NOA1: variants seen among roughly 807,000 people sequenced by gnomAD.
NOA1 encodes nitric oxide-associated protein 1.
In NOA1, 35 loss-of-function variants were observed where a neutral mutation model predicts 58.4. The ratio of observed to expected loss-of-function variants is 0.60; its 90% CI spans 0.46 to 0.79. The LOEUF is 0.79. NOA1 is among the 30% of genes least tolerant of loss of function. NOA1 has a pLI of 0.00. For synonymous variants in NOA1, 397 were observed against 373.4 expected (o/e 1.06, Z -0.73); for missense variants, 895 against 894.6 (o/e 1.00, Z -0.01).
Position 56,968,441 on chromosome 4 carries a change from C to A in NOA1, c.1590G>T (p.Val530=). 6.2e-7 allele frequency: 1 copy of A among 1,613,022 alleles called. No individual in the cohort carries two copies. Among genetic ancestry groups the A allele is most frequent in the Non-Finnish European group, 8.5e-7 (1 of 1,179,686 alleles). ...AAAACAGAACCATTCCTGGTTTAAG[C>A]ACAAAAGTTCTTGGAACAATGGACT... The part of the protein sequence containing the change: ...PTQSIVPRTF[V]LKPGMVLFLG... The change falls in exon 4 of 7, where the codon GTG becomes GTT. Residue 530 remains valine (V), a synonymous_variant. Transcript: ENST00000264230.
At chr4:56,973,455 T>A in intron 2 of NOA1, 102 bp from the exon 3 acceptor site, 2 of 994,758 alleles carry the variant, frequency 2.0e-6, no homozygotes, top group Non-Finnish European at 3.1e-6. Context: ...GATTACAGTG[T>A]AGGGAAGTGA....
At position 56,973,253 on chromosome 4, in the gene NOA1, A is replaced by G. The variant is rs77797239; in HGVS notation, c.1410T>C (p.Pro470=). 4,215 of 1,614,026 alleles carry G rather than the reference A, an allele frequency of 2.6e-3. 98 individuals are homozygous for G. The African/African-American group carries it at 0.051, about 19-fold the overall frequency. Residue 470 remains proline, a synonymous_variant, in exon 3 of 7, where the codon CCT becomes CCC. Coordinates refer to ENST00000264230, the MANE Select transcript of NOA1 (RefSeq NM_032313.4). ...TGGTGGATTTGTGTGTACCCATAAC[A>G]GGGTCATTTTCCATGTCAAAGGCAA... ...DSLAFDMEND[P]VMGTHKSTKQ...
intron 3 of NOA1, among the ~76,000 whole-genome samples, chr4:56,970,454 C>T (rs1721791896): frequency 6.6e-6 from 1 of 150,932 alleles, no homozygotes; most frequent in South Asian, 2.1e-4. Context: ...CAGGGGAAAC[C>T]TTGTCTCTCT....
At chr4:56,966,856 T>C (rs1721721038) in intron 4 of NOA1, 120 bp from the exon 5 acceptor site, 1 of 680,752 alleles carries the variant, frequency 1.5e-6, no homozygotes, top group East Asian at 2.5e-5. Context: ...ACTCCCTTTA[T>C]AAGTACTGGT....
intron 5 of NOA1, among the ~76,000 whole-genome samples, chr4:56,966,173 C>T (rs1156694509): frequency 3.3e-5 from 5 of 151,970 alleles, no homozygotes; most frequent in Admixed American, 6.6e-5. Context: ...ATTACAGGCA[C>T]CCATCACCAC....
intron 5 of NOA1, among the ~76,000 whole-genome samples, chr4:56,965,693 GGTGTGTGTGTGTGT>G (rs10548713): frequency 2.0e-5 from 3 of 149,062 alleles, no homozygotes; most frequent in Admixed American, 1.4e-4. Context: ...TCCAAAGTAT[GGTGTGTGTGTGTGT>G]GTGTGTGTGT....
At chr4:56,969,947 A>AT (rs11464956) in intron 3 of NOA1, among the ~76,000 whole-genome samples, 56,360 of 151,650 alleles carry the variant, frequency 0.37, 10,785 homozygotes, top group Admixed American at 0.45. Context: ...TGCTTGGCTA[A>AT]TTTTTTTGGT....
intron 6 of NOA1, 92 bp from the exon 7 acceptor site, chr4:56,963,753 G>A (rs1306174927): frequency 4.8e-6 from 4 of 827,890 alleles, no homozygotes; most frequent in South Asian, 4.7e-5. Context: ...ATCAGAGAAC[G>A]CTGTCACTCT....
chr4:56,977,497 G>T lies in NOA1; in HGVS notation c.89C>A (p.Pro30Gln). The change falls in exon 1 of 7, where the codon CCG becomes CAG. Residue 30 changes from proline (P) to glutamine (Q), a missense_variant. Around this residue, in one of 3 missense-constraint regions of NOA1, gnomAD observed 680 missense variants for 656.5 expected, o/e 1.04. Transcript: ENST00000264230. ...PTAARHGLRE[P>Q]LLERRCAAAS... ...GGCAGCGCACCTCCTCTCCAGGAGC[G>T]GCTCCCGGAGGCCATGGCGCGCTGC... 2 of 1,613,646 alleles carry T rather than the reference G, an allele frequency of 1.2e-6. No individual in the cohort carries two copies. Among genetic ancestry groups the T allele is most frequent in the Non-Finnish European group, 1.7e-6 (2 of 1,179,972 alleles).
At position 56,965,834 on chromosome 4, in the gene NOA1, C is replaced by CATTTTT. The variant is rs1203066922; in HGVS notation, c.1764+785_1764+786insAAAAAT. Among the ~76,000 whole-genome samples, 67 of 90,656 alleles carry CATTTTT rather than the reference C, an allele frequency of 7.4e-4. 1 individual carries two copies. In the South Asian group the frequency reaches 0.019, roughly 26 times the overall value. The allele number at this position is 90,656 out of a possible 152,430, so 59.5% of individuals were successfully genotyped here. A position where few individuals can be genotyped will look rare whatever the true frequency, so the allele number is the denominator to read the frequency against. The stretch of plus-strand genomic sequence containing the variant: ...CTAAGCAACCATATTTTAAATTTTC[C>CATTTTT]CTTTTTTTTTTTTTTTTTTAGAGAC... On this transcript the variant is annotated intron_variant, in intron 5 of 6. Coordinates refer to ENST00000264230, the MANE Select transcript of NOA1 (RefSeq NM_032313.4).
chr4:56,964,031 T>A (rs1184608998), intron 6 of NOA1, among the ~76,000 whole-genome samples: 2 of 151,944 alleles, frequency 1.3e-5, no homozygotes, highest in East Asian at 3.9e-4. Context: ...GGCACTTTTC[T>A]ATAAAAAAAA....
At position 56,963,605 on chromosome 4, in the gene NOA1, G is replaced by T. The variant is rs1238374519; in HGVS notation, c.1942C>A (p.Pro648Thr). 1.9e-6 allele frequency: 3 copies of T among 1,614,050 alleles called. No homozygotes were observed. The highest frequency in any genetic ancestry group is 1.3e-5 in the African/African-American group (1 of 74,992). Reference protein sequence around the residue: ...KDRLHLRGYTPEGTVLTVRPP... With the variant: ...KDRLHLRGYTTEGTVLTVRPP... ...CGGACGGTCAAAACTGTTCCTTCAG[G>T]TGTATAGCCTCGGAGATGCAGTCTG... The change falls in exon 7 of 7, where the codon CCT becomes ACT. Residue 648 changes from proline (P) to threonine (T), a missense_variant. This residue lies in a region of NOA1 where 212 missense variants were observed against 221.3 expected (regional missense o/e 0.96). Coordinates refer to ENST00000264230, the MANE Select transcript of NOA1 (RefSeq NM_032313.4).
intron 3 of NOA1, among the ~76,000 whole-genome samples, chr4:56,970,117 C>T (rs993596792): frequency 3.9e-5 from 6 of 151,926 alleles, no homozygotes; most frequent in East Asian, 3.9e-4. Context: ...CTGGGCAACA[C>T]GGCAAAACCT....
chr4:56,967,964 C>A (rs973556239), intron 4 of NOA1, among the ~76,000 whole-genome samples: 10 of 150,136 alleles, frequency 6.7e-5, no homozygotes, highest in African/African-American at 2.5e-4. Flanking sequence ...ATCACCCAGG[C>A]TGGAGTGCAG....
intron 3 of NOA1, among the ~76,000 whole-genome samples, chr4:56,972,178 G>A (rs1279757703): frequency 1.3e-5 from 2 of 152,178 alleles, no homozygotes; most frequent in African/African-American, 2.4e-5. Flanking sequence ...GAGCCACTGC[G>A]CCCGGTCGGA....
chr4:56,974,354 A>T (rs1210762471), intron 1 of NOA1, among the ~76,000 whole-genome samples: 1 of 152,196 alleles, frequency 6.6e-6, no homozygotes, highest in African/African-American at 2.4e-5. Context: ...AGTTTTGTCA[A>T]CTTAAATTTA....
At position 56,973,270 on chromosome 4, in the gene NOA1, C is replaced by A. The variant is rs1351083463; in HGVS notation, c.1393G>T (p.Asp465Tyr). 1 of 1,614,054 alleles carries A rather than the reference C, an allele frequency of 6.2e-7. No individual in the cohort carries two copies. The highest frequency in any genetic ancestry group is 1.3e-5 in the African/African-American group (1 of 75,032). ...FEFDADSLAF[D>Y]MENDPVMGTH... ...CCCATAACAGGGTCATTTTCCATGT[C>A]AAAGGCAAGTGAATCAGCATCAAAC... is the stretch of plus-strand genomic sequence containing the variant. Residue 465 changes from aspartate to tyrosine, a missense_variant, in exon 3 of 7, where the codon GAC becomes TAC. This residue lies in a region of NOA1 where 680 missense variants were observed against 656.5 expected (regional missense o/e 1.04). Transcript: ENST00000264230.
chr4:56,965,464 C>T (rs961119212), intron 5 of NOA1, among the ~76,000 whole-genome samples: 1 of 152,010 alleles, frequency 6.6e-6, no homozygotes, highest in African/African-American at 2.4e-5. Context: ...TGTGAGGCAT[C>T]TATAAGTACT....
chr4:56,966,812 AAAAAAACAAACC>A (rs1721720410), intron 4 of NOA1, 76 bp from the exon 5 acceptor site: 4 of 930,788 alleles, frequency 4.3e-6, no homozygotes, highest in Non-Finnish European at 6.8e-6. Flanking sequence ...ATCAACTAAA[AAAAAAACAAACC>A]AAAAAACAAA....
Sources: allele counts gnomAD v4.1 joint callset (sites outside exome capture counted in the v4.1 genomes callset), GRCh38; gene constraint gnomAD v4.1.1; regional missense constraint gnomAD v4.1.1; transcripts MANE v1.5; gene names NCBI Gene and HGNC (gene_info 2026-07-23, HGNC 2026-07-21).